Variants in ALPK1 observed in about 807,000 individuals in gnomAD.
The protein encoded by ALPK1 is alpha-protein kinase 1.
ALPK1 carries 110 observed loss-of-function variants against 120.6 expected under a neutral mutation model. The observed-to-expected ratio is 0.91, with a 90% CI of 0.78 to 1.07. ALPK1 has a LOEUF of 1.07. Among genes scored for constraint, ALPK1 ranks in the 50% least tolerant of loss-of-function variants. The pLI, the probability that ALPK1 is intolerant of heterozygous loss-of-function variation, is 0.00. For synonymous variants in ALPK1, 582 were observed against 560.3 expected (o/e 1.04, Z -0.55); for missense variants, 1,498 against 1,483.9 (o/e 1.01, Z -0.16).
At chr4:112,410,647 A>G (rs1426121931) in intron 4 of ALPK1, among the ~76,000 whole-genome samples, 1 of 152,218 alleles carries the variant, frequency 6.6e-6, no homozygotes, top group Admixed American at 6.5e-5. Flanking sequence ...AGATAATAGT[A>G]TTTGGGTGAT....
intron 2 of ALPK1, chr4:112,357,318 A>T (rs1244960096): frequency 2.2e-5 from 20 of 922,792 alleles, no homozygotes. Context: ...GATATTGTCC[A>T]GATTGTGTTC....
At chr4:112,428,359 T>C (rs1734333980) in intron 9 of ALPK1, among the ~76,000 whole-genome samples, 2 of 152,210 alleles carry the variant, frequency 1.3e-5, no homozygotes, top group South Asian at 2.1e-4. Flanking sequence ...TTATCGTCTA[T>C]ATTGCCATTT....
Position 112,432,548 on chromosome 4 carries a change from G to T in ALPK1, c.3001G>T (p.Val1001Phe), listed in dbSNP as rs774429273. Residue 1001 changes from valine to phenylalanine, a missense_variant, in exon 11 of 16, where the codon GTT becomes TTT. Transcript: ENST00000650871. ...WLFQRLENTG[V>F]FKPSQLHRAH... is the part of the protein sequence containing the mutation. ...GTTTCAGAGACTAGAGAATACGGGG[G>T]TTTTTAAGCCCAGTCAACTCCACCG... 1.9e-6 allele frequency: 3 copies of T among 1,613,660 alleles called. No homozygotes were observed. The highest frequency in any genetic ancestry group is 1.7e-6 in the Non-Finnish European group (2 of 1,179,994).
chr4:112,308,165 C>G (rs955595046), intron 1 of ALPK1, among the ~76,000 whole-genome samples: 2 of 152,122 alleles, frequency 1.3e-5, no homozygotes, highest in South Asian at 2.1e-4. Flanking sequence ...ACCTTTCTCT[C>G]TGGCCGCCCT....
chr4:112,336,642 T>C (rs1729632918), intron 2 of ALPK1, among the ~76,000 whole-genome samples: 1 of 152,222 alleles, frequency 6.6e-6, no homozygotes, highest in South Asian at 2.1e-4. Flanking sequence ...AAATATGTAC[T>C]TGGCAGTTAA....
At chr4:112,370,344 C>A (rs531191238) in intron 2 of ALPK1, among the ~76,000 whole-genome samples, 34 of 151,964 alleles carry the variant, frequency 2.2e-4, no homozygotes, top group African/African-American at 6.5e-4. Flanking sequence ...GTATTTATTC[C>A]AGAATTATCT....
chr4:112,429,273 C>T lies in ALPK1; in HGVS notation c.900+20C>T. ...GCTGTGGTAAACGAATGCAGCCGCT[C>T]CTCAAACCCCCACAGGACCTCTCCC... On this transcript the variant is annotated intron_variant, in intron 10 of 15. Transcript: ENST00000650871. 4 of 1,584,106 alleles carry T rather than the reference C, an allele frequency of 2.5e-6. No homozygotes were observed. The highest frequency in any genetic ancestry group is 3.5e-6 in the Non-Finnish European group (4 of 1,159,146).
chr4:112,358,608 A>G, intron 2 of ALPK1: 1 of 723,644 alleles, frequency 1.4e-6, no homozygotes, highest in Non-Finnish European at 2.5e-6. Flanking sequence ...GCCCTGGAGC[A>G]CAGCGAACAG....
intron 1 of ALPK1, among the ~76,000 whole-genome samples, chr4:112,303,824 T>G (rs966254605): frequency 2.0e-5 from 3 of 152,092 alleles, no homozygotes; most frequent in Non-Finnish European, 4.4e-5. Context: ...TATGTATACA[T>G]GTGCTGTGTT....
intron 4 of ALPK1, among the ~76,000 whole-genome samples, chr4:112,385,146 C>G (rs1246112978): frequency 6.6e-6 from 1 of 152,118 alleles, no homozygotes; most frequent in Non-Finnish European, 1.5e-5. Context: ...TCCCCTGAGC[C>G]CTGCATTCAA....
intron 2 of ALPK1, chr4:112,357,115 C>T: frequency 1.6e-6 from 2 of 1,223,512 alleles, no homozygotes; most frequent in Non-Finnish European, 1.2e-6. Flanking sequence ...AAGGGGCCAT[C>T]GATGCTGTTG....
intron 2 of ALPK1, among the ~76,000 whole-genome samples, chr4:112,332,629 C>T (rs1211232995): frequency 2.0e-5 from 3 of 152,204 alleles, no homozygotes; most frequent in Non-Finnish European, 4.4e-5. Context: ...TGTAGGAATT[C>T]TGCCACTTGC....
intron 2 of ALPK1, among the ~76,000 whole-genome samples, chr4:112,325,442 C>T (rs1729071262): frequency 6.6e-6 from 1 of 152,128 alleles, no homozygotes; most frequent in African/African-American, 2.4e-5. Flanking sequence ...CCTTGCAGGG[C>T]AGGAATTAAG....
chr4:112,397,508 A>G (rs543174757), intron 4 of ALPK1, among the ~76,000 whole-genome samples: 1 of 152,208 alleles, frequency 6.6e-6, no homozygotes, highest in Non-Finnish European at 1.5e-5. Context: ...TGGGCACTGT[A>G]TGTGAAATCG....
intron 2 of ALPK1, among the ~76,000 whole-genome samples, chr4:112,331,144 G>A (rs1318914526): frequency 2.0e-5 from 3 of 152,154 alleles, no homozygotes; most frequent in Admixed American, 6.5e-5. Flanking sequence ...ATGTGGTTGA[G>A]TCCATGCATA....
chr4:112,429,104 ATAAT>A (rs776140925), intron 9 of ALPK1, 41 bp from the exon 10 acceptor site: 8 of 1,542,778 alleles, frequency 5.2e-6, no homozygotes, highest in East Asian at 2.2e-5. Context: ...TTGCTCATCG[ATAAT>A]TAATTATCAC....
intron 2 of ALPK1, among the ~76,000 whole-genome samples, chr4:112,350,127 A>G (rs1258543624): frequency 1.3e-5 from 2 of 152,178 alleles, no homozygotes; most frequent in Non-Finnish European, 2.9e-5. Flanking sequence ...TCATTTCAAC[A>G]TCTTCATTTT....
chr4:112,429,392 AC>A, intron 10 of ALPK1, 139 bp downstream of exon 10: 1 of 655,302 alleles, frequency 1.5e-6, no homozygotes, highest in Non-Finnish European at 2.6e-6. Flanking sequence ...AAGACTCCAC[AC>A]CACATATGGA....
At chr4:112,332,611 G>A (rs532934130) in intron 2 of ALPK1, among the ~76,000 whole-genome samples, 1 of 152,328 alleles carries the variant, frequency 6.6e-6, no homozygotes, top group East Asian at 1.9e-4. Context: ...GTACAGTCAG[G>A]GAGCCAATGT....
Sources: allele counts gnomAD v4.1 joint callset (sites outside exome capture counted in the v4.1 genomes callset), GRCh38; gene constraint gnomAD v4.1.1; transcripts MANE v1.5; gene names NCBI Gene and HGNC (gene_info 2026-07-23, HGNC 2026-07-21).